Variants in ADAMTS18 observed in about 807,000 individuals in gnomAD.
The protein encoded by ADAMTS18 is A disintegrin and metalloproteinase with thrombospondin motifs 18.
A neutral mutation model predicts 165.9 loss-of-function variants in ADAMTS18; 157 were observed. The observed-to-expected ratio is 0.95, with a 90% CI of 0.83 to 1.08. The LOEUF is 1.08. ADAMTS18 is among the 50% of genes least tolerant of loss of function. The probability of loss-of-function intolerance (pLI) is 0.00; values close to 1 mark genes in which losing one functional copy is unlikely to be tolerated. For synonymous variants in ADAMTS18, 782 were observed against 578.2 expected (o/e 1.35, Z -5.06); for missense variants, 2,040 against 1,534.0 (o/e 1.33, Z -5.51).
intron 16 of ADAMTS18, among the ~76,000 whole-genome samples, chr16:77,304,014 A>T (rs1410538401): frequency 3.3e-5 from 5 of 152,168 alleles, no homozygotes; most frequent in Non-Finnish European, 7.3e-5. Flanking sequence ...TGGGCGACAG[A>T]GCAACACTCC....
At chr16:77,427,917 G>T (rs2057693659) in intron 3 of ADAMTS18, among the ~76,000 whole-genome samples, 1 of 152,202 alleles carries the variant, frequency 6.6e-6, no homozygotes, top group Admixed American at 6.5e-5. Flanking sequence ...CTGCTTATAT[G>T]TATGTACGTA....
intron 22 of ADAMTS18, among the ~76,000 whole-genome samples, chr16:77,285,419 TGCCTCA>T (rs148730569): frequency 0.013 from 2,004 of 151,256 alleles, 40 homozygotes; most frequent in African/African-American, 0.047. Context: ...GTGATCCGTC[TGCCTCA>T]GCCTCCCAAA....
chr16:77,332,653 C>G (rs1390973979), intron 12 of ADAMTS18, among the ~76,000 whole-genome samples: 1 of 152,164 alleles, frequency 6.6e-6, no homozygotes, highest in East Asian at 1.9e-4. Context: ...ACTGGAAAAT[C>G]TACATCTCAC....
chr16:77,399,294 C>G (rs1277119494), intron 3 of ADAMTS18, among the ~76,000 whole-genome samples: 2 of 152,150 alleles, frequency 1.3e-5, no homozygotes, highest in Non-Finnish European at 2.9e-5. Flanking sequence ...GAGGATGAAG[C>G]AGACAAGGAG....
At chr16:77,420,936 T>C (rs1226397042) in intron 3 of ADAMTS18, among the ~76,000 whole-genome samples, 4 of 152,118 alleles carry the variant, frequency 2.6e-5, no homozygotes, top group Non-Finnish European at 5.9e-5. Context: ...CCATAGACAC[T>C]AAAAAGTACT....
chr16:77,350,479 C>T (rs1248150535), intron 10 of ADAMTS18, among the ~76,000 whole-genome samples: 1 of 152,126 alleles, frequency 6.6e-6, no homozygotes, highest in East Asian at 1.9e-4. Context: ...GAATCCTCAC[C>T]AATGAGCCAT....
chr16:77,347,120 G>C (rs1309212257), intron 10 of ADAMTS18, among the ~76,000 whole-genome samples: 3 of 152,156 alleles, frequency 2.0e-5, no homozygotes, highest in Non-Finnish European at 4.4e-5. Context: ...TGTATCAATA[G>C]TTCATTCTTC....
intron 4 of ADAMTS18, among the ~76,000 whole-genome samples, chr16:77,365,179 A>AAAC (rs10680519): frequency 6.6e-6 from 1 of 151,482 alleles, no homozygotes; most frequent in African/African-American, 2.4e-5. Context: ...ATTTCATCTC[A>AAAC]AACAACAAAA....
rs1249928477 is a variant in ADAMTS18, at chr16:77,282,650, A to G, written c.*1306T>C. On this transcript the variant is annotated 3_prime_UTR_variant, in exon 23 of 23. Coordinates refer to ENST00000282849, the MANE Select transcript of ADAMTS18 (RefSeq NM_199355.4). ...GGAATAAAGTAGAATTTATGTAAAT[A>G]TGCCCTTTATAACCACTTCTCAAAA... is the stretch of plus-strand genomic sequence containing the variant. The G allele has an allele frequency of 6.6e-6, 1 of 152,646 alleles. No individual in the cohort carries two copies. The highest frequency in any genetic ancestry group is 1.5e-5 in the Non-Finnish European group (1 of 68,048). 9.5% of individuals were successfully genotyped at this position (152,646 alleles called of 1,614,324 possible).
intron 16 of ADAMTS18, among the ~76,000 whole-genome samples, chr16:77,305,122 G>GT (rs2055658544): frequency 5.6e-5 from 1 of 17,864 alleles, no homozygotes; most frequent in South Asian, 1.2e-3. Context: ...TAAGTACCAA[G>GT]ACAAATATAT....
At chr16:77,349,020 A>C (rs538318040) in intron 10 of ADAMTS18, among the ~76,000 whole-genome samples, 89 of 127,316 alleles carry the variant, frequency 7.0e-4, no homozygotes, top group Non-Finnish European at 1.3e-3. Context: ...TGCATGGGGG[A>C]AAGTTAATAG....
intron 3 of ADAMTS18, among the ~76,000 whole-genome samples, chr16:77,418,180 C>T (rs561813860): frequency 6.6e-6 from 1 of 152,336 alleles, no homozygotes; most frequent in South Asian, 2.1e-4. Flanking sequence ...ATCCAATCGA[C>T]TCCCAGCCCA....
Position 77,386,908 on chromosome 16 carries a change from G to C in ADAMTS18, c.496-19185C>G, listed in dbSNP as rs2057115607. ...GAAATCTGTGAGTCTGCAAATTCTT[G>C]GTGCTGTCCTACAGCAACAAACTAC... On this transcript the variant is annotated intron_variant, in intron 3 of 22. Transcript: ENST00000282849. Among the ~76,000 whole-genome samples the C allele has an allele frequency of 2.0e-5, 3 of 152,080 alleles. No individual in the cohort carries two copies. In the South Asian group the frequency reaches 6.2e-4, roughly 32 times the overall value.
chr16:77,359,277 A>G (rs751889296), intron 8 of ADAMTS18, 41 bp downstream of exon 8: 21 of 1,535,756 alleles, frequency 1.4e-5, no homozygotes, highest in South Asian at 2.3e-5. Flanking sequence ...GAATCACCCA[A>G]CTAGTTTTCA....
At chr16:77,359,612 C>T (rs2056682985) in intron 7 of ADAMTS18, among the ~76,000 whole-genome samples, 189 bp from the exon 8 acceptor site, 1 of 150,168 alleles carries the variant, frequency 6.7e-6, no homozygotes, top group Admixed American at 6.6e-5. Context: ...ATAAATGCAA[C>T]ATTTCCTATT....
At chr16:77,339,101 T>C (rs1039132853) in intron 11 of ADAMTS18, among the ~76,000 whole-genome samples, 1 of 152,098 alleles carries the variant, frequency 6.6e-6, no homozygotes, top group African/African-American at 2.4e-5. Context: ...AAACAAAACA[T>C]TGAGTACCTG....
intron 3 of ADAMTS18, among the ~76,000 whole-genome samples, chr16:77,380,691 G>A (rs943002914): frequency 2.0e-5 from 3 of 152,050 alleles, no homozygotes; most frequent in African/African-American, 7.2e-5. Context: ...AATCTCAGTG[G>A]TTTAATCATA....
At chr16:77,420,964 G>A (rs1005237930) in intron 3 of ADAMTS18, among the ~76,000 whole-genome samples, 1 of 152,156 alleles carries the variant, frequency 6.6e-6, no homozygotes, top group South Asian at 2.1e-4. Flanking sequence ...AGCAGAACTC[G>A]GTAAATCAGC....
At chr16:77,404,317 G>C (rs552208874) in intron 3 of ADAMTS18, among the ~76,000 whole-genome samples, 204 of 152,274 alleles carry the variant, frequency 1.3e-3, no homozygotes, top group African/African-American at 4.5e-3. Flanking sequence ...CAAGCAAATA[G>C]ATTTGGAGGA....
Sources: gnomAD v4.1 joint callset for allele counts (sites outside exome capture counted in the v4.1 genomes callset) on GRCh38, gnomAD v4.1.1 for gene constraint, MANE v1.5 for transcripts, NCBI Gene and HGNC (gene_info 2026-07-23, HGNC 2026-07-21) for gene names.